Variants in P2RX4 observed in about 807,000 individuals in gnomAD.
P2RX4 encodes the protein purinergic receptor P2X 4.
In P2RX4, 37 loss-of-function variants were observed where a neutral mutation model predicts 48.0. The ratio of observed to expected loss-of-function variants is 0.77; its 90% confidence interval spans 0.59 to 1.01. The LOEUF is 1.01. Among genes scored for constraint, P2RX4 ranks in the 50% least tolerant of loss-of-function variants. The pLI, the probability that P2RX4 is intolerant of heterozygous loss-of-function variation, is 0.00. For synonymous variants in P2RX4, 200 were observed against 199.7 expected (o/e 1.00, Z -0.01); for missense variants, 501 against 521.4 (o/e 0.96, Z 0.38).
chr12:121,225,646 C>T (rs1189692632), intron 5 of P2RX4, among the ~76,000 whole-genome samples: 5 of 151,752 alleles, frequency 3.3e-5, no homozygotes, highest in African/African-American at 4.8e-5. Flanking sequence ...CTCCTGACCT[C>T]GTGATCCACC....
At position 121,233,183 on chromosome 12, in the gene P2RX4, G is replaced by A. The variant is rs1887484233; in HGVS notation, c.1140+91G>A. Reference sequence around the variant, plus strand: ...TGGGCCTGTCTGGGGAGGCCCTTCTGCAGAGGCTGGCACCAGTGTGGCGTG... The same window carrying A: ...TGGGCCTGTCTGGGGAGGCCCTTCTACAGAGGCTGGCACCAGTGTGGCGTG... On this transcript the variant is annotated intron_variant, in intron 11 of 11. Transcript: ENST00000337233. 10 of 858,468 alleles carry A rather than the reference G, an allele frequency of 1.2e-5. No homozygotes were observed. In the South Asian group the frequency reaches 1.4e-4, roughly 12 times the overall value. 53.2% of individuals were successfully genotyped at this position (858,468 alleles called of 1,614,324 possible). A position where few individuals can be genotyped will look rare whatever the true frequency, so the allele number is the denominator to read the frequency against.
At chr12:121,218,331 A>G (rs1232258694) in intron 2 of P2RX4, among the ~76,000 whole-genome samples, 2 of 152,072 alleles carry the variant, frequency 1.3e-5, no homozygotes, top group Non-Finnish European at 2.9e-5. Context: ...TAAAAATACA[A>G]AAATTAGTGG....
intron 2 of P2RX4, among the ~76,000 whole-genome samples, chr12:121,218,207 G>A (rs1886355729): frequency 6.6e-6 from 1 of 152,154 alleles, no homozygotes; most frequent in Admixed American, 6.5e-5. Context: ...AGGAGGAAGG[G>A]CCAGGTGCGG....
intron 1 of P2RX4, 74 bp from the exon 2 acceptor site, chr12:121,217,060 C>A: frequency 6.9e-7 from 1 of 1,456,324 alleles, no homozygotes; most frequent in Non-Finnish European, 9.7e-7. Context: ...AGCCACTGGC[C>A]AGCAGAAGCT....
chr12:121,210,438 C>A (rs1593192130), intron 1 of P2RX4, 140 bp downstream of exon 1: 1 of 826,568 alleles, frequency 1.2e-6, no homozygotes, highest in Non-Finnish European at 1.6e-6. Context: ...GGGCCCCAGC[C>A]GCCGCGCCGG....
intron 8 of P2RX4, among the ~76,000 whole-genome samples, chr12:121,230,518 G>T (rs1010173330): frequency 3.3e-5 from 5 of 152,370 alleles, no homozygotes; most frequent in Middle Eastern, 3.4e-3. Flanking sequence ...GTAATTGTGG[G>T]ATCTGCTGTC....
At chr12:121,212,820 A>ATTTTTTTTTT (rs1268523637) in intron 1 of P2RX4, 1 of 42,762 alleles carries the variant, frequency 2.3e-5, no homozygotes, top group African/African-American at 1.2e-4. Flanking sequence ...ATATATATAT[A>ATTTTTTTTTT]TATATTTTTT....
intron 5 of P2RX4, 69 bp downstream of exon 5, chr12:121,223,112 A>G: frequency 9.9e-7 from 1 of 1,009,414 alleles, no homozygotes; most frequent in South Asian, 1.4e-5. Flanking sequence ...TTCACTCTGT[A>G]TCCCAGGTTG....
rs368609501 is a variant in P2RX4 at position 121,227,739 on chromosome 12, G to A, written c.525-794G>A. On this transcript the variant is annotated intron_variant, in intron 5 of 11. Transcript: ENST00000337233. ...CAGAAGGGTGTAGAAAATGCTAGAC[G>A]TGTTTCATCTTCTTGACAAAATGAC... 1.4e-4 allele frequency among the ~76,000 whole-genome samples: 21 copies of A among 152,184 alleles called. No homozygotes were observed. The East Asian group carries it at 1.9e-3, about 14-fold the overall frequency.
rs1268328502 is a variant in P2RX4, at chr12:121,212,478, C to CA, written c.134+2188dup. The stretch of plus-strand genomic sequence containing the variant: ...GGTAAATTGTACTGATGGAGCAGTG[C>CA]AAAAAAAAGAATTTTTTTTTTTTTT... On this transcript the variant is annotated intron_variant, in intron 1 of 11. Transcript: ENST00000337233. Among the ~76,000 whole-genome samples the CA allele has an allele frequency of 9.4e-5, 13 of 137,720 alleles. No homozygotes were observed. In the East Asian group the frequency reaches 2.1e-3, roughly 22 times the overall value. 90.3% of individuals were successfully genotyped at this position (137,720 alleles called of 152,430 possible). A position where few individuals can be genotyped will look rare whatever the true frequency, so the allele number is the denominator to read the frequency against.
intron 8 of P2RX4, among the ~76,000 whole-genome samples, chr12:121,230,742 C>T (rs961121162): frequency 2.0e-5 from 3 of 152,070 alleles, no homozygotes; most frequent in Non-Finnish European, 2.9e-5. Context: ...TGGCCCATGG[C>T]GTGGAAGTTG....
At chr12:121,212,824 A>ATATATATATATAT (rs370835501) in intron 1 of P2RX4, 8 of 32,250 alleles carry the variant, frequency 2.5e-4, no homozygotes, top group Non-Finnish European at 3.4e-4. Flanking sequence ...ATATATATAT[A>ATATATATATATAT]TTTTTTTTTT....
chr12:121,223,250 A>G (rs1042495515), intron 5 of P2RX4: 2 of 537,572 alleles, frequency 3.7e-6, no homozygotes, highest in African/African-American at 1.9e-5. Flanking sequence ...AATTTTTTGT[A>G]TTTTTAGTAG....
chr12:121,233,062 G>A lies in P2RX4; in HGVS notation c.1110G>A (p.Lys370=), dbSNP rs1393939983. ...AGAAAAGACTCTACTATCGGGAGAA[G>A]AAATATAAATATGTGGAAGATTACG... The part of the protein sequence containing the change: ...CMKKRLYYRE[K]KYKYVEDYEQ... The change falls in exon 11 of 12, where the codon AAG becomes AAA. Residue 370 remains lysine, a synonymous_variant. Coordinates refer to ENST00000337233, the MANE Select transcript of P2RX4 (RefSeq NM_002560.3). 1 of 1,613,060 alleles carries A rather than the reference G, an allele frequency of 6.2e-7. No individual in the cohort carries two copies. Among genetic ancestry groups the A allele is most frequent in the Non-Finnish European group, 8.5e-7 (1 of 1,179,260 alleles).
intron 1 of P2RX4, 49 bp downstream of exon 1, chr12:121,210,347 C>G: frequency 7.0e-7 from 1 of 1,420,092 alleles, no homozygotes; most frequent in Non-Finnish European, 9.2e-7. Context: ...CCCTCGCGTC[C>G]GCGCCGTGCG....
At chr12:121,233,128 C>T (rs568737826) in intron 11 of P2RX4, 36 bp downstream of exon 11, 5 of 1,450,218 alleles carry the variant, frequency 3.4e-6, no homozygotes, top group Admixed American at 3.5e-5. Context: ...GCACAGGCCT[C>T]TCATCTCTTG....
chr12:121,233,164 T>TCCCCAGACAGGCCCAC, intron 11 of P2RX4, 72 bp downstream of exon 11: 3 of 1,087,588 alleles, frequency 2.8e-6, no homozygotes, highest in Non-Finnish European at 4.1e-6. Flanking sequence ...GGCGTGGGCC[T>TCCCCAGACAGGCCCAC]GTCTGGGGAG....
In P2RX4 at chr12:121,229,634, C is replaced by T. The variant is rs774391949; in HGVS notation, c.884+535C>T. Among the ~76,000 whole-genome samples, 4 of 152,184 alleles carry T rather than the reference C, an allele frequency of 2.6e-5. No individual in the cohort carries two copies. The highest frequency in any genetic ancestry group is 4.4e-5 in the Non-Finnish European group (3 of 68,032). ...TGTAAGCGAGTCCCACAAACAGTGGCTTGCAACTACAGGACTTGATTCTCT... is the reference window on the plus strand; with the variant it reads ...TGTAAGCGAGTCCCACAAACAGTGGTTTGCAACTACAGGACTTGATTCTCT... On this transcript the variant is annotated intron_variant, in intron 8 of 11. Transcript: ENST00000337233. This position sits in a 1 kb window ranked among gnomAD's most constrained non-coding sequence, Gnocchi z 4.6.
chr12:121,222,227 C>G, intron 4 of P2RX4, 61 bp downstream of exon 4: 1 of 1,134,028 alleles, frequency 8.8e-7, no homozygotes, highest in South Asian at 1.2e-5. Flanking sequence ...CACTGTGGAG[C>G]GTCTCTGATA....
Sources: allele counts gnomAD v4.1 joint callset (sites outside exome capture counted in the v4.1 genomes callset), GRCh38; gene constraint gnomAD v4.1.1; non-coding constraint Gnocchi (gnomAD v3.1); transcripts MANE v1.5; gene names NCBI Gene and HGNC (gene_info 2026-07-23, HGNC 2026-07-21).